Variants in STARD9 observed in about 807,000 individuals in gnomAD.
STARD9 encodes the protein stAR-related lipid transfer protein 9.
STARD9 carries 346 observed loss-of-function variants against 399.8 expected under a neutral mutation model. The observed-to-expected ratio is 0.87, with a 90% confidence interval of 0.79 to 0.95. The LOEUF (loss-of-function observed/expected upper bound fraction) is 0.95, where lower values mean the gene tolerates loss of function less well. STARD9 is among the 40% of genes least tolerant of loss of function. The pLI is 0.00. For missense variants in STARD9, 5,832 were observed against 5,667.5 expected (o/e 1.03, Z -0.93); for synonymous variants, 2,203 against 2,143.5 (o/e 1.03, Z -0.77).
Position 42,604,259 on chromosome 15 carries a change from A to T in STARD9, c.234+18622A>T, listed in dbSNP as rs557245829. Reference sequence around the variant, plus strand: ...CTGTCTGCTTCTACTTGTTTGATCCACGCTTCTCTTACCTGTCTCTTAAAT... The same window carrying T: ...CTGTCTGCTTCTACTTGTTTGATCCTCGCTTCTCTTACCTGTCTCTTAAAT... On this transcript the variant is annotated intron_variant, in intron 3 of 32. Coordinates refer to ENST00000290607, the MANE Select transcript of STARD9 (RefSeq NM_020759.3). Among the ~76,000 whole-genome samples the T allele has an allele frequency of 1.6e-4, 24 of 152,216 alleles. No homozygotes were observed. The East Asian group carries it at 3.5e-3, about 22-fold the overall frequency.
chr15:42,626,278 C>A (rs2059209161), intron 3 of STARD9, among the ~76,000 whole-genome samples: 1 of 151,732 alleles, frequency 6.6e-6, no homozygotes, highest in Admixed American at 6.6e-5. Context: ...TCCTCCTCCT[C>A]TTCCTCCTCT....
intron 3 of STARD9, among the ~76,000 whole-genome samples, chr15:42,623,939 G>A (rs556444503): frequency 4.6e-5 from 7 of 152,344 alleles, no homozygotes; most frequent in African/African-American, 1.7e-4. Flanking sequence ...AATTATGTCA[G>A]TTAACTTCTA....
chr15:42,651,202 T>A, intron 8 of STARD9, 117 bp downstream of exon 8: 1 of 649,538 alleles, frequency 1.5e-6, no homozygotes, highest in Non-Finnish European at 2.5e-6. Flanking sequence ...GTAGAGATGT[T>A]CACAACCAGG....
chr15:42,613,454 G>A (rs2058894157), intron 3 of STARD9, among the ~76,000 whole-genome samples: 1 of 152,090 alleles, frequency 6.6e-6, no homozygotes, highest in Non-Finnish European at 1.5e-5. Flanking sequence ...TGATTAAAAA[G>A]TATGGTTTAT....
At chr15:42,703,146 C>T (rs1227230689) in intron 26 of STARD9, among the ~76,000 whole-genome samples, 1 of 152,056 alleles carries the variant, frequency 6.6e-6, no homozygotes, top group Non-Finnish European at 1.5e-5. Context: ...TGTCCTTGAC[C>T]TTTGAGAATT....
At chr15:42,612,766 C>T (rs2141818608) in intron 3 of STARD9, among the ~76,000 whole-genome samples, 1 of 152,238 alleles carries the variant, frequency 6.6e-6, no homozygotes, top group South Asian at 2.1e-4. Context: ...GGCGGATCAC[C>T]TGAGGTCAGA....
At chr15:42,654,065 A>G (rs903507624) in intron 9 of STARD9, among the ~76,000 whole-genome samples, 5 of 152,192 alleles carry the variant, frequency 3.3e-5, no homozygotes, top group Non-Finnish European at 7.4e-5. Context: ...AAATAGCTCA[A>G]AAATACAATT....
chr15:42,652,474 A>G, intron 8 of STARD9, 46 bp from the exon 9 acceptor site: 3 of 1,456,164 alleles, frequency 2.1e-6, no homozygotes, highest in Non-Finnish European at 2.8e-6. Context: ...AGAATCCACC[A>G]TGTGTAAACA....
At chr15:42,661,714 C>G (rs1462403326) in intron 10 of STARD9, among the ~76,000 whole-genome samples, 2 of 152,008 alleles carry the variant, frequency 1.3e-5, no homozygotes, top group Non-Finnish European at 2.9e-5. Flanking sequence ...GCCTCAGTCT[C>G]CCAAAGTGCT....
intron 26 of STARD9, among the ~76,000 whole-genome samples, chr15:42,708,554 CTT>C (rs1219742354): frequency 6.6e-6 from 1 of 152,204 alleles, no homozygotes; most frequent in Non-Finnish European, 1.5e-5. Context: ...TTGATTCTAA[CTT>C]ATTCATTTCT....
At chr15:42,673,603 A>AT (rs1819542114) in intron 16 of STARD9, among the ~76,000 whole-genome samples, 1 of 152,144 alleles carries the variant, frequency 6.6e-6, no homozygotes, top group African/African-American at 2.4e-5. Context: ...TAATACCTGT[A>AT]TTTTGAGTTG....
intron 7 of STARD9, among the ~76,000 whole-genome samples, chr15:42,647,555 C>T (rs1178454232): frequency 6.6e-6 from 1 of 152,082 alleles, no homozygotes; most frequent in Non-Finnish European, 1.5e-5. Flanking sequence ...ACGAAACTAG[C>T]TTTCTTTGTG....
chr15:42,681,614 T>C lies in STARD9; in HGVS notation c.2065+2T>C. The C allele has an allele frequency of 6.5e-7, 1 of 1,535,466 alleles. No individual in the cohort carries two copies. ...GGATTAGCCAGCAGATTAAAGAAAG[T>C]AGGTGTCCACCACTTAATGTGTCTG... On this transcript the variant is annotated splice_donor_variant, in intron 21 of 32. Transcript: ENST00000290607. LOFTEE classifies it high-confidence loss of function.
intron 3 of STARD9, among the ~76,000 whole-genome samples, chr15:42,614,552 C>T (rs1405655925): frequency 6.6e-6 from 1 of 152,174 alleles, no homozygotes; most frequent in African/African-American, 2.4e-5. Flanking sequence ...AGGGCCCATA[C>T]ATTTTCGATG....
In STARD9 at chr15:42,691,069, T is replaced by C. The variant is rs140526485; in HGVS notation, c.9491T>C (p.Leu3164Ser). ...GTGGTAGAGCCACAGCATGAATGTT[T>C]AGAAAATACCACTAGATGTTTTTTG... ...KLVVEPQHEC[L>S]ENTTRCFLEK... is the part of the protein sequence containing the mutation. The change falls in exon 23 of 33, where the codon TTA (leucine) becomes TCA (serine). Residue 3164 changes from leucine to serine, a missense_variant. By Grantham distance (145) the Leu-to-Ser change is moderately radical. Coordinates refer to ENST00000290607, the MANE Select transcript of STARD9 (RefSeq NM_020759.3). 1.2e-5 allele frequency: 18 copies of C among 1,537,124 alleles called. No individual in the cohort carries two copies. The highest frequency in any genetic ancestry group is 3.3e-4 in the Middle Eastern group (2 of 6,012).
intron 26 of STARD9, among the ~76,000 whole-genome samples, chr15:42,715,242 G>C (rs1047235841): frequency 6.6e-6 from 1 of 152,216 alleles, no homozygotes; most frequent in Non-Finnish European, 1.5e-5. Context: ...GTGGACCTTG[G>C]TGACTGCTGT....
intron 16 of STARD9, chr15:42,672,181 T>A (rs1472212021): frequency 1.3e-5 from 2 of 152,348 alleles, no homozygotes; most frequent in East Asian, 3.8e-4. Context: ...GTCACTAAGT[T>A]GGTTACAGAC....
chr15:42,642,317 A>G (rs535884620), intron 7 of STARD9, among the ~76,000 whole-genome samples: 2 of 152,252 alleles, frequency 1.3e-5, no homozygotes, highest in Non-Finnish European at 2.9e-5. Context: ...GGAAAAGAGT[A>G]GCCTTTCCAT....
chr15:42,711,808 G>A (rs887182086), intron 26 of STARD9, among the ~76,000 whole-genome samples: 1 of 151,128 alleles, frequency 6.6e-6, no homozygotes, highest in Non-Finnish European at 1.5e-5. Flanking sequence ...GCTTTTGTAT[G>A]GATATGTTTT....
Sources: allele counts gnomAD v4.1 joint callset (sites outside exome capture counted in the v4.1 genomes callset), GRCh38; gene constraint gnomAD v4.1.1; transcripts MANE v1.5; gene names NCBI Gene and HGNC (gene_info 2026-07-23, HGNC 2026-07-21).